Variants in DYM observed in about 807,000 individuals in gnomAD.
DYM encodes dymeclin, also known as dyggve-Melchior-Clausen syndrome protein.
In DYM, 78 loss-of-function variants were observed where a neutral mutation model predicts 93.1. That is an observed-to-expected ratio of 0.84 (90% CI 0.70 to 1.01). The LOEUF (loss-of-function observed/expected upper bound fraction) is 1.01. Among genes scored for constraint, DYM ranks in the 50% least tolerant of loss-of-function variants. The pLI, the probability that DYM is intolerant of heterozygous loss-of-function variation, is 0.00. For missense variants in DYM, 789 were observed against 845.0 expected (o/e 0.93, Z 0.82); for synonymous variants, 321 against 319.7 (o/e 1.00, Z -0.04).
intron 10 of DYM, among the ~76,000 whole-genome samples, chr18:49,276,422 C>CTTT (rs2094848340): frequency 6.6e-6 from 1 of 151,800 alleles, no homozygotes; most frequent in African/African-American, 2.4e-5. Context: ...GGATAAATCC[C>CTTT]ACTTGGATAT....
At chr18:49,241,609 T>C (rs2094011784) in intron 13 of DYM, among the ~76,000 whole-genome samples, 1 of 152,196 alleles carries the variant, frequency 6.6e-6, no homozygotes, top group African/African-American at 2.4e-5. Context: ...TCTCCACCAC[T>C]TGTAGAGGGA....
chr18:49,274,028 A>C (rs2094782010), intron 10 of DYM, among the ~76,000 whole-genome samples: 1 of 152,110 alleles, frequency 6.6e-6, no homozygotes, highest in South Asian at 2.1e-4. Context: ...TTTACAGACC[A>C]TACAATCCAT....
chr18:49,356,621 T>C (rs2065592425), intron 6 of DYM, among the ~76,000 whole-genome samples: 1 of 152,204 alleles, frequency 6.6e-6, no homozygotes, highest in Admixed American at 6.5e-5. Flanking sequence ...AGGCCCTTCG[T>C]TGCCAACCAT....
intron 15 of DYM, among the ~76,000 whole-genome samples, chr18:49,120,078 C>CAAAAAAAAAA (rs71165367): frequency 3.6e-4 from 20 of 55,846 alleles, no homozygotes; most frequent in African/African-American, 5.9e-4. Flanking sequence ...GATCCTGTCT[C>CAAAAAAAAAA]AAAAAAAAAA....
At chr18:49,103,334 G>A (rs28890857) in intron 16 of DYM, among the ~76,000 whole-genome samples, 1 of 151,858 alleles carries the variant, frequency 6.6e-6, no homozygotes, top group African/African-American at 2.4e-5. Flanking sequence ...ATGGGTAGAT[G>A]GCAAAAATTT....
At chr18:49,387,317 C>T (rs1373739058) in intron 3 of DYM, among the ~76,000 whole-genome samples, 2 of 152,148 alleles carry the variant, frequency 1.3e-5, no homozygotes, top group Middle Eastern at 3.4e-3. Flanking sequence ...CACTCTGTCG[C>T]CCAGGCTGGA....
At chr18:49,374,128 G>C (rs998372511) in intron 5 of DYM, among the ~76,000 whole-genome samples, 11 of 152,204 alleles carry the variant, frequency 7.2e-5, no homozygotes, top group African/African-American at 2.7e-4. Context: ...AACTGTGAAA[G>C]ATGATGGGGT....
At chr18:49,295,875 T>G (rs1045104894) in intron 8 of DYM, among the ~76,000 whole-genome samples, 10 of 152,158 alleles carry the variant, frequency 6.6e-5, no homozygotes, top group African/African-American at 1.9e-4. Flanking sequence ...TTTACCCAGC[T>G]TCCTCTAATG....
At chr18:49,390,702 T>G (rs2069142942) in intron 3 of DYM, 1 of 152,180 alleles carries the variant, frequency 6.6e-6, no homozygotes, top group African/African-American at 2.4e-5. Flanking sequence ...TGACGGGGTT[T>G]CACCATCTTG....
intron 8 of DYM, among the ~76,000 whole-genome samples, chr18:49,298,608 ATCTC>A (rs1488002911): frequency 2.0e-5 from 3 of 151,968 alleles, no homozygotes; most frequent in Admixed American, 1.3e-4. Context: ...TTCTGTCAGA[ATCTC>A]TCTGACTTAT....
chr18:49,274,598 C>T (rs1007536056), intron 10 of DYM, among the ~76,000 whole-genome samples: 21 of 152,104 alleles, frequency 1.4e-4, no homozygotes, highest in African/African-American at 4.6e-4. Flanking sequence ...ATTACATTTC[C>T]ACCAACAGTG....
intron 8 of DYM, among the ~76,000 whole-genome samples, chr18:49,286,983 G>C (rs2059707427): frequency 6.6e-6 from 1 of 152,178 alleles, no homozygotes; most frequent in Non-Finnish European, 1.5e-5. Flanking sequence ...AAGAGGTCAG[G>C]ACTTCGAGAC....
At chr18:49,432,105 G>A (rs2148476796) in intron 1 of DYM, among the ~76,000 whole-genome samples, 1 of 152,224 alleles carries the variant, frequency 6.6e-6, no homozygotes, top group African/African-American at 2.4e-5. Context: ...GGGCGCTGTG[G>A]CTCACGCCTG....
chr18:49,422,263 G>A (rs1156391486), intron 2 of DYM, among the ~76,000 whole-genome samples: 2 of 152,150 alleles, frequency 1.3e-5, no homozygotes, highest in African/African-American at 4.8e-5. Flanking sequence ...GAGAAAGGTT[G>A]GGTTACCCAC....
At chr18:49,446,629 C>G (rs1488919611) in intron 1 of DYM, among the ~76,000 whole-genome samples, 1 of 152,072 alleles carries the variant, frequency 6.6e-6, no homozygotes, top group Non-Finnish European at 1.5e-5. Context: ...ACTATGTGGC[C>G]AGCAGTATGC....
At chr18:49,127,964 T>C (rs1427553238) in intron 15 of DYM, among the ~76,000 whole-genome samples, 1 of 152,198 alleles carries the variant, frequency 6.6e-6, no homozygotes, top group East Asian at 1.9e-4. Context: ...GTGGTCTTTT[T>C]CTACACTCCT....
At chr18:49,441,007 A>AATATATTATATATAATATATAATATAT (rs1568452382) in intron 1 of DYM, among the ~76,000 whole-genome samples, 1 of 2,644 alleles carries the variant, frequency 3.8e-4, no homozygotes, top group African/African-American at 1.0e-3. Context: ...ATATTTATAT[A>AATATATTATATATAATATATAATATAT]TTATATATTA....
intron 13 of DYM, among the ~76,000 whole-genome samples, chr18:49,218,775 T>C (rs1276960065): frequency 2.0e-5 from 3 of 152,196 alleles, no homozygotes; most frequent in Admixed American, 6.5e-5. Context: ...GGGAAATTTA[T>C]AGCACTAAAT....
At chr18:49,082,415 TAGA>T in intron 17 of DYM, among the ~76,000 whole-genome samples, 2 of 152,368 alleles carry the variant, frequency 1.3e-5, no homozygotes, top group Middle Eastern at 6.8e-3. Context: ...TCTTGATACC[TAGA>T]AGCAAAAACT....
Sources: allele counts gnomAD v4.1 joint callset (sites outside exome capture counted in the v4.1 genomes callset), GRCh38; gene constraint gnomAD v4.1.1; transcripts MANE v1.5; gene names NCBI Gene and HGNC (gene_info 2026-07-23, HGNC 2026-07-21).